Variants in RSU1 observed in about 807,000 individuals in gnomAD.
The protein encoded by RSU1 is Ras suppressor protein 1.
In RSU1, 26 loss-of-function variants were observed where a neutral mutation model predicts 31.1. That is an observed-to-expected ratio of 0.84 (90% CI 0.61 to 1.16). The LOEUF is 1.16. Among genes scored for constraint, RSU1 ranks in the 50% most tolerant of loss-of-function variants. The pLI, the probability that RSU1 is intolerant of heterozygous loss-of-function variation, is 0.00. For missense variants in RSU1, 320 were observed against 339.1 expected, an observed-to-expected ratio of 0.94 and a Z score of 0.44; for synonymous variants, 164 against 136.3, an observed-to-expected ratio of 1.20 and a Z score of -1.41.
rs150809451 is a variant in RSU1, at chr10:16,726,070, T to C, written c.598+26469A>G. On this transcript the variant is annotated intron_variant, in intron 7 of 8. Transcript: ENST00000345264. The stretch of plus-strand genomic sequence containing the variant: ...AACTTCTCAATATTGTCAATAATTG[T>C]TATTTTTACTTTACAGTAATATTTT... Among the ~76,000 whole-genome samples the C allele has an allele frequency of 6.7e-3, 1,024 of 151,928 alleles. 6 individuals are homozygous for C. Among genetic ancestry groups the C allele is most frequent in the Middle Eastern group, 0.051 (15 of 292 alleles).
intron 7 of RSU1, among the ~76,000 whole-genome samples, chr10:16,706,490 C>T (rs1048368494): frequency 6.6e-6 from 1 of 152,174 alleles, no homozygotes; most frequent in Admixed American, 6.5e-5. Context: ...TCTCTATATA[C>T]TCTAAATTTT....
chr10:16,815,557 T>G (rs536687815), intron 2 of RSU1, among the ~76,000 whole-genome samples: 1 of 152,316 alleles, frequency 6.6e-6, no homozygotes, highest in South Asian at 2.1e-4. Context: ...ATTTTCTTCA[T>G]TCCTCAACTA....
At chr10:16,687,818 C>A (rs1467793968) in intron 8 of RSU1, among the ~76,000 whole-genome samples, 2 of 152,092 alleles carry the variant, frequency 1.3e-5, no homozygotes, top group African/African-American at 2.4e-5. Flanking sequence ...CTTCTGGGCT[C>A]AAGGCATCCT....
At position 16,705,508 on chromosome 10, in the gene RSU1, G is replaced by C. The variant is rs183268662; in HGVS notation, c.599-10353C>G. On this transcript the variant is annotated intron_variant, in intron 7 of 8. Transcript: ENST00000345264. ...CCCCATGCATTTTATTTATTTTTTT[G>C]AGACAGAGTCTCGCTCTGTCACACA... Among the ~76,000 whole-genome samples, 361 of 150,574 alleles carry C rather than the reference G, an allele frequency of 2.4e-3. 2 individuals are homozygous for C. The highest frequency in any genetic ancestry group is 5.7e-3 in the African/African-American group (234 of 40,912).
At chr10:16,743,184 C>T (rs932364644) in intron 7 of RSU1, among the ~76,000 whole-genome samples, 19 of 152,126 alleles carry the variant, frequency 1.2e-4, no homozygotes, top group African/African-American at 3.6e-4. Flanking sequence ...AAAATTAAGG[C>T]ATATATTTGG....
chr10:16,728,176 T>A (rs1836435227), intron 7 of RSU1, among the ~76,000 whole-genome samples: 1 of 152,194 alleles, frequency 6.6e-6, no homozygotes, highest in Non-Finnish European at 1.5e-5. Context: ...TATAAAATAA[T>A]GAGCGAGTGG....
At chr10:16,627,547 A>G (rs1834178927) in intron 8 of RSU1, among the ~76,000 whole-genome samples, 1 of 152,086 alleles carries the variant, frequency 6.6e-6, no homozygotes, top group South Asian at 2.1e-4. Flanking sequence ...TGAGGTTAGG[A>G]GTTCGAGACC....
intron 8 of RSU1, among the ~76,000 whole-genome samples, chr10:16,676,089 G>C (rs375684117): frequency 5.3e-5 from 8 of 152,302 alleles, no homozygotes; most frequent in East Asian, 3.9e-4. Flanking sequence ...ACAAATACTA[G>C]TAAGTATTCT....
intron 8 of RSU1, among the ~76,000 whole-genome samples, chr10:16,626,055 T>TC (rs1834154617): frequency 1.3e-5 from 2 of 152,030 alleles, no homozygotes; most frequent in African/African-American, 4.8e-5. Flanking sequence ...TTTTCTTTTT[T>TC]TTTTTTTGAG....
At chr10:16,808,324 A>C (rs1410034164) in intron 2 of RSU1, among the ~76,000 whole-genome samples, 1 of 151,518 alleles carries the variant, frequency 6.6e-6, no homozygotes, top group African/African-American at 2.4e-5. Context: ...TCTCTACTAA[A>C]ATTAAAAAAA....
intron 7 of RSU1, among the ~76,000 whole-genome samples, chr10:16,720,214 G>A (rs762729581): frequency 3.9e-5 from 6 of 152,160 alleles, no homozygotes; most frequent in Non-Finnish European, 8.8e-5. Context: ...GATGTTCTTT[G>A]GGGTCAAGGC....
At chr10:16,658,896 C>T (rs1377319816) in intron 8 of RSU1, among the ~76,000 whole-genome samples, 2 of 152,214 alleles carry the variant, frequency 1.3e-5, no homozygotes, top group East Asian at 1.9e-4. Flanking sequence ...TCTGTGGCTC[C>T]GTATCCTTGC....
intron 7 of RSU1, among the ~76,000 whole-genome samples, chr10:16,751,832 A>T (rs1564344034): frequency 2.0e-5 from 3 of 152,220 alleles, no homozygotes; most frequent in Non-Finnish European, 4.4e-5. Context: ...GGTCTGCACA[A>T]GAAAAGATAA....
At chr10:16,816,486 G>A (rs1372262990) in intron 2 of RSU1, among the ~76,000 whole-genome samples, 1 of 152,174 alleles carries the variant, frequency 6.6e-6, no homozygotes, top group Non-Finnish European at 1.5e-5. Flanking sequence ...ACAGCATGAG[G>A]AGGTGACAAA....
chr10:16,799,824 A>G (rs1368025308), intron 2 of RSU1, among the ~76,000 whole-genome samples: 1 of 152,084 alleles, frequency 6.6e-6, no homozygotes, highest in Non-Finnish European at 1.5e-5. Context: ...TCCTGTCTCA[A>G]TTTGGTAGCC....
chr10:16,597,317 T>C (rs1333148812), intron 8 of RSU1, among the ~76,000 whole-genome samples: 1 of 152,192 alleles, frequency 6.6e-6, no homozygotes, highest in Non-Finnish European at 1.5e-5. Context: ...AACTGGAATG[T>C]TCCACTGTTT....
chr10:16,784,074 C>A (rs1356760778), intron 2 of RSU1, among the ~76,000 whole-genome samples: 1 of 148,334 alleles, frequency 6.7e-6, no homozygotes, highest in Admixed American at 6.7e-5. Context: ...TGTATTATGT[C>A]CCTCTATGTA....
intron 7 of RSU1, among the ~76,000 whole-genome samples, chr10:16,737,730 A>G (rs368991691): frequency 2.0e-4 from 30 of 149,168 alleles, no homozygotes; most frequent in East Asian, 9.7e-4. Context: ...CCTCCTCTCT[A>G]AAGTTATTTA....
intron 2 of RSU1, among the ~76,000 whole-genome samples, chr10:16,799,160 C>T (rs987595925): frequency 6.6e-6 from 1 of 152,148 alleles, no homozygotes; most frequent in Non-Finnish European, 1.5e-5. Context: ...AATCTAGATA[C>T]AGTTCAAATT....
Sources: allele counts gnomAD v4.1 joint callset (sites outside exome capture counted in the v4.1 genomes callset), GRCh38; gene constraint gnomAD v4.1.1; transcripts MANE v1.5; gene names NCBI Gene and HGNC (gene_info 2026-07-23, HGNC 2026-07-21).